GHR: variants seen among roughly 807,000 people sequenced by gnomAD.
GHR encodes growth hormone receptor, also known as GH receptor.
A neutral mutation model predicts 67.1 loss-of-function variants in GHR; 35 were observed. That is an observed-to-expected ratio of 0.52 (90% confidence interval 0.40 to 0.69). The LOEUF (loss-of-function observed/expected upper bound fraction) is 0.69, where lower values mean the gene tolerates loss of function less well. Among genes scored for constraint, GHR ranks in the 30% least tolerant of loss-of-function variants. GHR has a pLI of 0.00. For synonymous variants in GHR, 272 were observed against 269.1 expected, an observed-to-expected ratio of 1.01 and a Z score of -0.10; for missense variants, 792 against 764.6, an observed-to-expected ratio of 1.04 and a Z score of -0.42.
intron 2 of GHR, among the ~76,000 whole-genome samples, chr5:42,601,410 T>C (rs1752372495): frequency 6.6e-6 from 1 of 152,302 alleles, no homozygotes; most frequent in Non-Finnish European, 1.5e-5. Flanking sequence ...TATTTCATTT[T>C]AATCTGTTCA....
chr5:42,714,325 T>C (rs978706746), intron 8 of GHR: 1 of 152,202 alleles, frequency 6.6e-6, no homozygotes. Context: ...GCAAGTCCGG[T>C]GTGCCAGGAA....
intron 3 of GHR, among the ~76,000 whole-genome samples, chr5:42,655,722 C>T (rs978562550): frequency 1.3e-5 from 2 of 149,964 alleles, no homozygotes; most frequent in African/African-American, 5.1e-5. Context: ...CATTAGTAGA[C>T]ACTGTCTACC....
intron 1 of GHR, among the ~76,000 whole-genome samples, chr5:42,535,432 G>C (rs1345182378): frequency 6.6e-6 from 1 of 151,968 alleles, no homozygotes. Flanking sequence ...CCCACTTTAT[G>C]TTTTTGTTTG....
intron 1 of GHR, chr5:42,465,866 T>C: frequency 1.4e-6 from 1 of 737,792 alleles, no homozygotes; most frequent in Non-Finnish European, 2.5e-6. Context: ...AACTGAAAAT[T>C]CGCCTCCTTC....
At chr5:42,570,075 G>A (rs1459300824) in intron 2 of GHR, among the ~76,000 whole-genome samples, 1 of 137,028 alleles carries the variant, frequency 7.3e-6, no homozygotes, top group Non-Finnish European at 1.6e-5. Flanking sequence ...CACAGTTGAG[G>A]TTCCACAGAG....
At chr5:42,489,222 C>A (rs571441396) in intron 1 of GHR, among the ~76,000 whole-genome samples, 89 of 152,230 alleles carry the variant, frequency 5.8e-4, no homozygotes, top group African/African-American at 2.0e-3. Context: ...TTTTCCTAGT[C>A]CTCTTTTCTT....
chr5:42,525,933 AC>A (rs1747688861), intron 1 of GHR, among the ~76,000 whole-genome samples: 1 of 152,098 alleles, frequency 6.6e-6, no homozygotes, highest in South Asian at 2.1e-4. Flanking sequence ...GTCCAATTAA[AC>A]CTCTTTTTGT....
chr5:42,506,618 C>G (rs980169939), intron 1 of GHR, among the ~76,000 whole-genome samples: 5 of 152,176 alleles, frequency 3.3e-5, no homozygotes, highest in Admixed American at 1.3e-4. Context: ...TTTAGTCCCT[C>G]TAGCCTGACT....
At chr5:42,711,106 T>C (rs1209856962) in intron 6 of GHR, 101 bp from the exon 7 acceptor site, 3 of 881,464 alleles carry the variant, frequency 3.4e-6, no homozygotes, top group Non-Finnish European at 5.8e-6. Context: ...ACCTACTTTA[T>C]AAAAATCCAT....
At chr5:42,683,564 G>A (rs981943826) in intron 3 of GHR, among the ~76,000 whole-genome samples, 5 of 152,282 alleles carry the variant, frequency 3.3e-5, no homozygotes, top group Non-Finnish European at 7.4e-5. Context: ...GTGAATGAGA[G>A]AAGACAGGAA....
intron 2 of GHR, among the ~76,000 whole-genome samples, chr5:42,570,987 G>A (rs750842362): frequency 2.1e-4 from 32 of 152,190 alleles, no homozygotes; most frequent in Non-Finnish European, 4.0e-4. Flanking sequence ...TAAGAAGACA[G>A]AATTACCAGT....
At chr5:42,479,377 T>C (rs897546473) in intron 1 of GHR, among the ~76,000 whole-genome samples, 3 of 152,218 alleles carry the variant, frequency 2.0e-5, no homozygotes, top group African/African-American at 7.2e-5. Flanking sequence ...CAGGCTTTGG[T>C]ATCAGGATGA....
intron 2 of GHR, among the ~76,000 whole-genome samples, chr5:42,583,736 G>A (rs1751316272): frequency 6.6e-6 from 1 of 151,966 alleles, no homozygotes; most frequent in South Asian, 2.1e-4. Context: ...GGATATTTTT[G>A]TTTCTTTGTC....
At chr5:42,457,073 G>A (rs1038421467) in intron 1 of GHR, among the ~76,000 whole-genome samples, 14 of 152,208 alleles carry the variant, frequency 9.2e-5, no homozygotes, top group African/African-American at 1.9e-4. Flanking sequence ...GGTTTTGCTC[G>A]CTTCTTCCTG....
At chr5:42,464,560 A>C (rs1011243690) in intron 1 of GHR, among the ~76,000 whole-genome samples, 1 of 152,166 alleles carries the variant, frequency 6.6e-6, no homozygotes, top group African/African-American at 2.4e-5. Flanking sequence ...TGTGGAGCAG[A>C]GGAAAAGTAG....
At chr5:42,459,888 G>T (rs950594676) in intron 1 of GHR, among the ~76,000 whole-genome samples, 2 of 152,144 alleles carry the variant, frequency 1.3e-5, no homozygotes, top group African/African-American at 4.8e-5. Context: ...TAGACACCAT[G>T]GTTCAAATCT....
At chr5:42,688,415 A>G (rs545434218) in intron 3 of GHR, among the ~76,000 whole-genome samples, 1 of 152,284 alleles carries the variant, frequency 6.6e-6, no homozygotes, top group African/African-American at 2.4e-5. Context: ...TCATCTTTCT[A>G]CACAACAGTG....
rs777688795 is a variant in GHR, at chr5:42,719,308, GTA to G, written c.1802_1803del (p.Val601AlafsTer17). ...CCCAGACTATACCTCCATTCATATA[GTA>G]CAGTCCCCACAGGGCCTCATACTCA... ...PVPDYTSIHI[V>X]QSPQGLILNA... On this transcript the variant is annotated frameshift_variant, in exon 10 of 10. Transcript: ENST00000230882. LOFTEE classifies it high-confidence loss of function. The G allele has an allele frequency of 5.3e-5, 86 of 1,614,130 alleles. No individual in the cohort carries two copies. Among genetic ancestry groups the G allele is most frequent in the Non-Finnish European group, 7.1e-5 (84 of 1,180,014 alleles).
chr5:42,463,989 T>C (rs1351159962), intron 1 of GHR, among the ~76,000 whole-genome samples: 1 of 66,660 alleles, frequency 1.5e-5, no homozygotes, highest in Non-Finnish European at 2.6e-5. Flanking sequence ...CGAGACTCCG[T>C]CTCAAAAAAA....
Sources: allele counts gnomAD v4.1 joint callset (sites outside exome capture counted in the v4.1 genomes callset), GRCh38; gene constraint gnomAD v4.1.1; transcripts MANE v1.5; gene names NCBI Gene and HGNC (gene_info 2026-07-23, HGNC 2026-07-21).